SRGAP3: variants seen among roughly 807,000 people sequenced by gnomAD.
The protein encoded by SRGAP3 is SLIT-ROBO Rho GTPase-activating protein 3.
SRGAP3 carries 39 observed loss-of-function variants against 121.1 expected under a neutral mutation model. The observed-to-expected ratio is 0.32, with a 90% confidence interval of 0.25 to 0.42. SRGAP3 has a LOEUF of 0.42. SRGAP3 is among the 10% of genes least tolerant of loss of function. The pLI is 1.00. For synonymous variants in SRGAP3, 601 were observed against 570.0 expected (o/e 1.05, Z -0.77); for missense variants, 1,213 against 1,470.6 (o/e 0.82, Z 2.86).
At chr3:9,191,285 G>A (rs574230946) in intron 1 of SRGAP3, among the ~76,000 whole-genome samples, 1 of 152,282 alleles carries the variant, frequency 6.6e-6, no homozygotes, top group East Asian at 1.9e-4. Flanking sequence ...AGCTGAAAAG[G>A]AATATGCTGC....
intron 3 of SRGAP3, among the ~76,000 whole-genome samples, chr3:9,291,716 C>T (rs1574976929): frequency 6.6e-6 from 1 of 151,946 alleles, no homozygotes; most frequent in African/African-American, 2.4e-5. Flanking sequence ...TTTCTACATA[C>T]CTCTGGCACT....
At chr3:9,242,533 G>T (rs181941032) in intron 1 of SRGAP3, among the ~76,000 whole-genome samples, 106 of 152,284 alleles carry the variant, frequency 7.0e-4, no homozygotes, top group African/African-American at 2.4e-3. Context: ...TACTCGGTAG[G>T]CTGAGGCGGG....
At chr3:9,043,703 T>C (rs1945124846) in intron 10 of SRGAP3, among the ~76,000 whole-genome samples, 1 of 152,170 alleles carries the variant, frequency 6.6e-6, no homozygotes, top group Non-Finnish European at 1.5e-5. Flanking sequence ...TTTAAAAATA[T>C]ATTTTATAGT....
At chr3:9,240,421 A>G (rs1446738486) in intron 1 of SRGAP3, among the ~76,000 whole-genome samples, 1 of 152,078 alleles carries the variant, frequency 6.6e-6, no homozygotes, top group Non-Finnish European at 1.5e-5. Context: ...AAAGGACTCA[A>G]TTTCAGGAGG....
At chr3:9,281,790 A>T (rs1954685016) in intron 3 of SRGAP3, among the ~76,000 whole-genome samples, 1 of 152,116 alleles carries the variant, frequency 6.6e-6, no homozygotes, top group South Asian at 2.1e-4. Context: ...CTCATGCCTC[A>T]GTCTCCCAAG....
At chr3:9,041,626 C>T (rs1385781764) in intron 10 of SRGAP3, among the ~76,000 whole-genome samples, 1 of 152,250 alleles carries the variant, frequency 6.6e-6, no homozygotes, top group African/African-American at 2.4e-5. Flanking sequence ...CAGATGCTGA[C>T]ATCCCTAGAT....
At chr3:9,348,628 T>C (rs6809957) in intron 1 of SRGAP3, 296,183 of 1,014,716 alleles carry the variant, frequency 0.29, 47,538 homozygotes, top group African/African-American at 0.45. Flanking sequence ...CAGAAGAGAG[T>C]GATCCAGACC....
intron 9 of SRGAP3, chr3:9,049,476 A>G: frequency 2.2e-6 from 1 of 456,098 alleles, no homozygotes; most frequent in South Asian, 1.5e-5. Flanking sequence ...CCTTCTACCC[A>G]GAAGGAAACA....
chr3:9,305,058 A>C (rs1189248936), intron 3 of SRGAP3, among the ~76,000 whole-genome samples: 1 of 152,190 alleles, frequency 6.6e-6, no homozygotes, highest in Non-Finnish European at 1.5e-5. Flanking sequence ...CCTTCCAGGA[A>C]GCTGACGCTA....
intron 14 of SRGAP3, among the ~76,000 whole-genome samples, chr3:9,018,313 C>T (rs1378234358): frequency 4.6e-5 from 7 of 152,130 alleles, no homozygotes; most frequent in Non-Finnish European, 8.8e-5. Flanking sequence ...CTGCAGTAAA[C>T]GTGGGAGTGC....
At chr3:9,044,229 T>C (rs1467277993) in intron 10 of SRGAP3, among the ~76,000 whole-genome samples, 1 of 152,242 alleles carries the variant, frequency 6.6e-6, no homozygotes, top group African/African-American at 2.4e-5. Context: ...AGTCCACGCT[T>C]ATCTGTGGGG....
chr3:9,065,621 T>C (rs1285984881), intron 4 of SRGAP3: 1 of 152,248 alleles, frequency 6.6e-6, no homozygotes, highest in Non-Finnish European at 1.5e-5. Context: ...AGCCCTCTTT[T>C]CATTCAGCAT....
At chr3:9,270,714 A>C (rs2600164) in intron 3 of SRGAP3, among the ~76,000 whole-genome samples, 29,758 of 152,194 alleles carry the variant, frequency 0.2, 3,581 homozygotes, top group Non-Finnish European at 0.28. Context: ...TTGACCAGAC[A>C]ATAACACAGC....
intron 18 of SRGAP3, among the ~76,000 whole-genome samples, chr3:9,001,109 A>AT (rs1942734801): frequency 6.6e-6 from 1 of 152,256 alleles, no homozygotes; most frequent in Admixed American, 6.5e-5. Flanking sequence ...ATGGGGAGCA[A>AT]TTGCTCAACA....
intron 1 of SRGAP3, among the ~76,000 whole-genome samples, chr3:9,345,785 C>CAA (rs34225108): frequency 0.17 from 10,899 of 65,184 alleles, 664 homozygotes; most frequent in East Asian, 0.41. Flanking sequence ...GACTCCAACT[C>CAA]AAAAAAAAAA....
At position 9,311,832 on chromosome 3, in the gene SRGAP3, T is replaced by G. The variant is rs148109263; in HGVS notation, n.442+14178A>C. 1.3e-3 allele frequency among the ~76,000 whole-genome samples: 204 copies of G among 152,312 alleles called. 1 individual carries two copies. The highest frequency in any genetic ancestry group is 4.7e-3 in the African/African-American group (194 of 41,554). On this transcript the variant is annotated intron_variant and non_coding_transcript_variant, in intron 3 of 3. Transcript: ENST00000490889. ...TGGGGGTAGGGTCAGGGAGCACTCATGCATTGCCATTACTTACCCTGCTGT... is the reference window on the plus strand; with the variant it reads ...TGGGGGTAGGGTCAGGGAGCACTCAGGCATTGCCATTACTTACCCTGCTGT...
At chr3:8,996,359 G>T (rs1341345065) in intron 18 of SRGAP3, among the ~76,000 whole-genome samples, 2 of 152,170 alleles carry the variant, frequency 1.3e-5, no homozygotes, top group Non-Finnish European at 2.9e-5. Flanking sequence ...ATGCACCAGG[G>T]CTCCCCTCTG....
chr3:9,115,629 TTTCCCCTCA>T (rs2124949303), intron 2 of SRGAP3, among the ~76,000 whole-genome samples: 1 of 152,124 alleles, frequency 6.6e-6, no homozygotes, highest in East Asian at 1.9e-4. Flanking sequence ...GTTAAAATCC[TTTCCCCTCA>T]TTTAAAAAAA....
intron 3 of SRGAP3, among the ~76,000 whole-genome samples, chr3:9,083,644 C>T (rs1183729533): frequency 1.3e-5 from 2 of 152,204 alleles, no homozygotes; most frequent in Non-Finnish European, 2.9e-5. Flanking sequence ...ATTTACATTG[C>T]CTCCAGCATC....
Sources: allele counts gnomAD v4.1 joint callset (sites outside exome capture counted in the v4.1 genomes callset), GRCh38; gene constraint gnomAD v4.1.1; transcripts MANE v1.5; gene names NCBI Gene and HGNC (gene_info 2026-07-23, HGNC 2026-07-21).